Variants in VPS13B observed in about 807,000 individuals in gnomAD.
The protein encoded by VPS13B is intermembrane lipid transfer protein VPS13B.
Under a neutral mutation model 426.4 loss-of-function variants are expected in VPS13B, and 285 were observed. The ratio of observed to expected loss-of-function variants is 0.67; its 90% CI spans 0.61 to 0.74. VPS13B has a LOEUF of 0.74. VPS13B is among the 30% of genes least tolerant of loss of function. The pLI is 0.00. For missense variants in VPS13B, 4,537 were observed against 4,782.6 expected, an observed-to-expected ratio of 0.95 and a Z score of 1.51; for synonymous variants, 1,676 against 1,676.4, an observed-to-expected ratio of 1.00 and a Z score of 0.01.
Position 99,598,336 on chromosome 8 carries a change from T to C in VPS13B, c.5220+20703T>C, listed in dbSNP as rs1226656033. ...GAGGACCTATTATCTCATTATTTAG[T>C]AAGGAAATATCTGTACTATGTAGTA... On this transcript the variant is annotated intron_variant, in intron 33 of 61. Coordinates refer to ENST00000357162, the MANE Select transcript of VPS13B (RefSeq NM_152564.5). Among the ~76,000 whole-genome samples, 5 of 152,176 alleles carry C rather than the reference T, an allele frequency of 3.3e-5. No homozygotes were observed. The East Asian group carries it at 9.7e-4, about 29-fold the overall frequency.
intron 57 of VPS13B, among the ~76,000 whole-genome samples, chr8:99,860,079 G>A (rs1816759104): frequency 1.3e-5 from 2 of 152,162 alleles, no homozygotes; most frequent in African/African-American, 4.8e-5. Flanking sequence ...CAGAGACTTG[G>A]GAACTAACAA....
chr8:99,312,057 T>A (rs1821013908), intron 19 of VPS13B, among the ~76,000 whole-genome samples: 1 of 152,210 alleles, frequency 6.6e-6, no homozygotes, highest in Admixed American at 6.5e-5. Context: ...ATTTTGAGCC[T>A]ATGTGGGTCT....
intron 27 of VPS13B, among the ~76,000 whole-genome samples, chr8:99,506,011 C>A (rs531660081): frequency 7.2e-5 from 11 of 152,226 alleles, no homozygotes; most frequent in Admixed American, 7.2e-4. Context: ...TACTAATAAT[C>A]TTACATAATT....
At chr8:99,365,913 G>GTAGTTT (rs1279387544) in intron 19 of VPS13B, among the ~76,000 whole-genome samples, 2 of 149,698 alleles carry the variant, frequency 1.3e-5, no homozygotes, top group African/African-American at 4.9e-5. Flanking sequence ...TTACTGATTT[G>GTAGTTT]TAGTTTTATT....
intron 16 of VPS13B, among the ~76,000 whole-genome samples, chr8:99,176,300 C>A (rs1812629349): frequency 6.6e-6 from 1 of 152,074 alleles, no homozygotes; most frequent in African/African-American, 2.4e-5. Flanking sequence ...CCACACCCAG[C>A]TAATTTTTGT....
intron 16 of VPS13B, among the ~76,000 whole-genome samples, chr8:99,181,124 T>C (rs1354026592): frequency 6.6e-6 from 1 of 152,094 alleles, no homozygotes; most frequent in Admixed American, 6.5e-5. Flanking sequence ...AATGGAAAAA[T>C]GTAAATAGCA....
At chr8:99,552,410 T>C (rs1316537062) in intron 30 of VPS13B, among the ~76,000 whole-genome samples, 1 of 151,990 alleles carries the variant, frequency 6.6e-6, no homozygotes, top group Non-Finnish European at 1.5e-5. Context: ...TACTTTTGCC[T>C]TTACATGTCA....
chr8:99,129,243 A>G, intron 8 of VPS13B, among the ~76,000 whole-genome samples: 1 of 151,862 alleles, frequency 6.6e-6, no homozygotes, highest in Non-Finnish European at 1.5e-5. Context: ...TAAAGGGATA[A>G]GGATTCATCT....
At chr8:99,194,704 A>C (rs867221380) in intron 17 of VPS13B, among the ~76,000 whole-genome samples, 1 of 152,158 alleles carries the variant, frequency 6.6e-6, no homozygotes, top group African/African-American at 2.4e-5. Context: ...TATCTTGGCT[A>C]TTGTACAGTG....
intron 35 of VPS13B, among the ~76,000 whole-genome samples, chr8:99,691,664 A>C (rs911012111): frequency 1.7e-4 from 26 of 150,676 alleles, no homozygotes; most frequent in African/African-American, 5.1e-4. Context: ...CTAACATCAT[A>C]ATGACAGGAT....
chr8:99,360,242 CCTTCCT>C (rs754952603), intron 19 of VPS13B, among the ~76,000 whole-genome samples: 7,072 of 90,082 alleles, frequency 0.079, 886 homozygotes, highest in South Asian at 0.1. Context: ...TTCTCTCTCT[CCTTCCT>C]TCCTTCCTTC....
chr8:99,720,252 C>T (rs1833082504), intron 37 of VPS13B, 93 bp from the exon 38 acceptor site: 3 of 986,776 alleles, frequency 3.0e-6, no homozygotes, highest in African/African-American at 1.6e-5. Flanking sequence ...AACATAATTA[C>T]AGTCCTACAT....
At chr8:99,070,791 C>G (rs1035293958) in intron 3 of VPS13B, among the ~76,000 whole-genome samples, 1 of 151,622 alleles carries the variant, frequency 6.6e-6, no homozygotes, top group Non-Finnish European at 1.5e-5. Context: ...ATTCTTTTTT[C>G]TTTTGTCTCC....
intron 17 of VPS13B, among the ~76,000 whole-genome samples, chr8:99,218,214 C>G (rs1815491730): frequency 6.6e-6 from 1 of 152,080 alleles, no homozygotes. Context: ...TGTTTATTTA[C>G]ATTATTAGAG....
At position 99,668,699 on chromosome 8, in the gene VPS13B, G is replaced by A. The variant is rs186790689; in HGVS notation, c.6046+7208G>A. Among the ~76,000 whole-genome samples the A allele has an allele frequency of 1.8e-4, 27 of 152,120 alleles. No homozygotes were observed. In the East Asian group the frequency reaches 5.0e-3, roughly 28 times the overall value. ...CTTTTCCCCTTGTACCCATTAGCAA[G>A]GTCAGTGGCTTGGAGAAACCTGGAA... On this transcript the variant is annotated intron_variant, in intron 35 of 61. Coordinates refer to ENST00000357162, the MANE Select transcript of VPS13B (RefSeq NM_152564.5).
At chr8:99,835,097 G>T in intron 52 of VPS13B, 100 bp from the exon 53 acceptor site, 1 of 1,464,632 alleles carries the variant, frequency 6.8e-7, no homozygotes, top group Non-Finnish European at 9.5e-7. Context: ...AGATATTTTC[G>T]AGTTCTGAAT....
intron 39 of VPS13B, among the ~76,000 whole-genome samples, chr8:99,747,391 C>T (rs1256804697): frequency 6.6e-6 from 1 of 151,788 alleles, no homozygotes; most frequent in Non-Finnish European, 1.5e-5. Context: ...CAGTGAAGTC[C>T]TGTGATTAAG....
intron 17 of VPS13B, among the ~76,000 whole-genome samples, chr8:99,261,624 T>G (rs964494339): frequency 6.6e-6 from 1 of 152,182 alleles, no homozygotes; most frequent in Non-Finnish European, 1.5e-5. Flanking sequence ...TGTTTAGTTT[T>G]GTATGAAACT....
At chr8:99,274,840 G>A (rs1329789622) in intron 18 of VPS13B, among the ~76,000 whole-genome samples, 1 of 151,970 alleles carries the variant, frequency 6.6e-6, no homozygotes, top group Admixed American at 6.6e-5. Flanking sequence ...AGAAGACAGT[G>A]TGTTTAGTTG....
Sources: gnomAD v4.1 joint callset for allele counts (sites outside exome capture counted in the v4.1 genomes callset) on GRCh38, gnomAD v4.1.1 for gene constraint, MANE v1.5 for transcripts, NCBI Gene and HGNC (gene_info 2026-07-23, HGNC 2026-07-21) for gene names.